The following CACNA2D3 variants were observed in gnomAD, a reference collection of about 807,000 sequenced individuals.
CACNA2D3 encodes the protein calcium voltage-gated channel auxiliary subunit alpha2delta 3, also known as voltage-dependent calcium channel subunit alpha-2/delta-3.
Under a neutral mutation model 160.6 loss-of-function variants are expected in CACNA2D3, and 60 were observed. The ratio of observed to expected loss-of-function variants is 0.37; its 90% confidence interval spans 0.30 to 0.46. The LOEUF is 0.46. CACNA2D3 is among the 20% of genes least tolerant of loss of function. The pLI, the probability that CACNA2D3 is intolerant of heterozygous loss-of-function variation, is 1.00. For missense variants in CACNA2D3, 1,205 were observed against 1,365.0 expected, an observed-to-expected ratio of 0.88 and a Z score of 1.85; for synonymous variants, 558 against 492.9, an observed-to-expected ratio of 1.13 and a Z score of -1.75.
chr3:55,030,925 A>G (rs569197295), intron 35 of CACNA2D3, among the ~76,000 whole-genome samples: 1 of 152,292 alleles, frequency 6.6e-6, no homozygotes, highest in African/African-American at 2.4e-5. Flanking sequence ...AGAGGGGCGC[A>G]TGTCTATAAT....
At chr3:54,745,660 G>A (rs1456175367) in intron 11 of CACNA2D3, among the ~76,000 whole-genome samples, 2 of 152,210 alleles carry the variant, frequency 1.3e-5, no homozygotes, top group African/African-American at 4.8e-5. Context: ...TGAGCTGTAT[G>A]TAATCTCGTG....
chr3:54,304,716 G>A (rs143922365), intron 2 of CACNA2D3, among the ~76,000 whole-genome samples: 2 of 152,062 alleles, frequency 1.3e-5, no homozygotes, highest in African/African-American at 4.8e-5. Flanking sequence ...TCAGGACATG[G>A]GCTATCGAAT....
chr3:54,247,815 A>G (rs1702109261), intron 2 of CACNA2D3, among the ~76,000 whole-genome samples: 1 of 152,190 alleles, frequency 6.6e-6, no homozygotes, highest in Non-Finnish European at 1.5e-5. Flanking sequence ...ATAGTGACCC[A>G]CAATGCCCAA....
At chr3:54,873,695 C>A (rs1699594759) in intron 18 of CACNA2D3, among the ~76,000 whole-genome samples, 1 of 152,154 alleles carries the variant, frequency 6.6e-6, no homozygotes, top group African/African-American at 2.4e-5. Context: ...TCAAGCAAGT[C>A]CAGTGCTTTT....
chr3:54,575,215 C>T (rs901757341), intron 8 of CACNA2D3, among the ~76,000 whole-genome samples: 17 of 152,196 alleles, frequency 1.1e-4, no homozygotes, highest in African/African-American at 3.6e-4. Context: ...ACCAGTAAAA[C>T]TGTAAAAATA....
At chr3:54,452,977 T>A (rs992995874) in intron 4 of CACNA2D3, among the ~76,000 whole-genome samples, 23 of 151,982 alleles carry the variant, frequency 1.5e-4, no homozygotes, top group Middle Eastern at 3.4e-3. Flanking sequence ...TTCCCTCTCT[T>A]TTTCTTTCTC....
chr3:54,629,181 C>T (rs987791538), intron 10 of CACNA2D3, among the ~76,000 whole-genome samples: 4 of 152,092 alleles, frequency 2.6e-5, no homozygotes, highest in African/African-American at 9.6e-5. Flanking sequence ...GGGAGACCAG[C>T]AGAGACTCCC....
intron 2 of CACNA2D3, among the ~76,000 whole-genome samples, chr3:54,146,586 T>C (rs943791348): frequency 3.3e-5 from 5 of 151,544 alleles, no homozygotes; most frequent in Middle Eastern, 6.3e-3. Context: ...GACACAGGAA[T>C]GTGGGGAAGG....
intron 14 of CACNA2D3, among the ~76,000 whole-genome samples, chr3:54,821,410 G>A (rs1035831380): frequency 1.3e-5 from 2 of 152,106 alleles, no homozygotes; most frequent in Non-Finnish European, 2.9e-5. Context: ...GTTGTTCTAT[G>A]CCTGCTGTGA....
At position 54,922,622 on chromosome 3, in the gene CACNA2D3, C is replaced by T. The variant is rs887850664; in HGVS notation, c.2449+22754C>T. Reference sequence around the variant, plus strand: ...GTTGTATTCACCCTAACCTCATTCCCGCTGAGAACCGCTACAACCATGCAG... The same window carrying T: ...GTTGTATTCACCCTAACCTCATTCCTGCTGAGAACCGCTACAACCATGCAG... On this transcript the variant is annotated intron_variant, in intron 27 of 37. Transcript: ENST00000474759. Among the ~76,000 whole-genome samples the T allele has an allele frequency of 3.3e-5, 5 of 152,132 alleles. No individual in the cohort carries two copies. The East Asian group carries it at 7.7e-4, about 23-fold the overall frequency.
At chr3:55,039,330 C>T (rs1398146490) in intron 35 of CACNA2D3, among the ~76,000 whole-genome samples, 1 of 152,080 alleles carries the variant, frequency 6.6e-6, no homozygotes, top group Admixed American at 6.5e-5. Context: ...GGAAAAGACG[C>T]AGAAGAGTGA....
At chr3:54,893,056 A>G (rs1197728445) in intron 25 of CACNA2D3, among the ~76,000 whole-genome samples, 1 of 152,214 alleles carries the variant, frequency 6.6e-6, no homozygotes, top group African/African-American at 2.4e-5. Context: ...CAGGCAGATC[A>G]CTTGAGGTCA....
chr3:54,427,317 G>T (rs1200442850), intron 4 of CACNA2D3, among the ~76,000 whole-genome samples: 1 of 152,110 alleles, frequency 6.6e-6, no homozygotes, highest in African/African-American at 2.4e-5. Context: ...TCGGACACAT[G>T]TGCTTCTTCT....
At position 54,347,843 on chromosome 3, in the gene CACNA2D3, C is replaced by A. The variant is rs1303200932; in HGVS notation, c.321+27285C>A. Among the ~76,000 whole-genome samples, 2 of 152,118 alleles carry A rather than the reference C, an allele frequency of 1.3e-5. 1 individual carries two copies. Among genetic ancestry groups the A allele is most frequent in the African/African-American group, 4.8e-5 (2 of 41,440 alleles). ...TATAAATGACCTCAATTTCCTTCCA[C>A]TTGCTGACATACTTGTGGGCCCTAG... On this transcript the variant is annotated intron_variant, in intron 3 of 37. Coordinates refer to ENST00000474759, the MANE Select transcript of CACNA2D3 (RefSeq NM_018398.3).
chr3:54,145,306 G>A (rs982206975), intron 2 of CACNA2D3, among the ~76,000 whole-genome samples: 9 of 152,332 alleles, frequency 5.9e-5, no homozygotes, highest in African/African-American at 2.2e-4. Context: ...GCGAAGTTGC[G>A]CTGTGCACGG....
At chr3:54,485,908 C>T (rs769696288) in intron 4 of CACNA2D3, among the ~76,000 whole-genome samples, 1 of 152,098 alleles carries the variant, frequency 6.6e-6, no homozygotes, top group Non-Finnish European at 1.5e-5. Flanking sequence ...CCCCCAACAG[C>T]CCCTTCATTC....
chr3:54,990,647 C>A (rs1182297079), intron 31 of CACNA2D3, among the ~76,000 whole-genome samples: 1 of 152,200 alleles, frequency 6.6e-6, no homozygotes, highest in Non-Finnish European at 1.5e-5. Context: ...CATAGCCTCC[C>A]CTTTGTTTCT....
intron 5 of CACNA2D3, among the ~76,000 whole-genome samples, chr3:54,517,097 G>A (rs373001545): frequency 1.3e-5 from 2 of 152,316 alleles, no homozygotes; most frequent in East Asian, 1.9e-4. Context: ...GTGGTGATTT[G>A]CTTTTCCACA....
chr3:54,862,690 T>C (rs950687579), intron 17 of CACNA2D3, among the ~76,000 whole-genome samples: 13 of 152,102 alleles, frequency 8.5e-5, no homozygotes, highest in African/African-American at 3.1e-4. Flanking sequence ...AGGAGAGGCA[T>C]TGGAAATGGG....
Sources: gnomAD v4.1 joint callset for allele counts (sites outside exome capture counted in the v4.1 genomes callset) on GRCh38, gnomAD v4.1.1 for gene constraint, MANE v1.5 for transcripts, NCBI Gene and HGNC (gene_info 2026-07-23, HGNC 2026-07-21) for gene names.